Variants in EPM2A observed in about 807,000 individuals in gnomAD.
EPM2A encodes the protein laforin.
In EPM2A, 21 loss-of-function variants were observed where a neutral mutation model predicts 26.5. The ratio of observed to expected loss-of-function variants is 0.79; its 90% confidence interval spans 0.56 to 1.14. The LOEUF (loss-of-function observed/expected upper bound fraction) is 1.14, where lower values mean the gene tolerates loss of function less well. Among genes scored for constraint, EPM2A ranks in the 50% most tolerant of loss-of-function variants. EPM2A has a pLI of 0.00. For missense variants in EPM2A, 458 were observed against 440.8 expected, an observed-to-expected ratio of 1.04 and a Z score of -0.35; for synonymous variants, 217 against 177.6, an observed-to-expected ratio of 1.22 and a Z score of -1.76.
At chr6:145,434,790 C>T (rs1778967203) in intron 4 of EPM2A, among the ~76,000 whole-genome samples, 1 of 152,296 alleles carries the variant, frequency 6.6e-6, no homozygotes, top group East Asian at 1.9e-4. Context: ...TTCCTGTCCC[C>T]TGGCAACCAC....
intron 2 of EPM2A, among the ~76,000 whole-genome samples, chr6:145,547,248 C>T (rs1780594400): frequency 6.6e-6 from 1 of 152,096 alleles, no homozygotes. Flanking sequence ...AAGCCTTCCT[C>T]TGCCCTCTCC....
At chr6:145,677,736 T>A (rs1780171955) in intron 2 of EPM2A, among the ~76,000 whole-genome samples, 1 of 152,164 alleles carries the variant, frequency 6.6e-6, no homozygotes. Flanking sequence ...GTGAAGGACC[T>A]CTTTAAGGAG....
intron 2 of EPM2A, among the ~76,000 whole-genome samples, chr6:145,675,897 T>C (rs1353153383): frequency 6.6e-6 from 1 of 152,120 alleles, no homozygotes; most frequent in Non-Finnish European, 1.5e-5. Flanking sequence ...AACAAGGATA[T>C]CCAGGACTTG....
intron 4 of EPM2A, among the ~76,000 whole-genome samples, chr6:145,432,490 T>C (rs985656291): frequency 5.6e-5 from 7 of 125,486 alleles, no homozygotes; most frequent in African/African-American, 1.6e-4. Context: ...AAATGATCAG[T>C]TTTTTGAGTC....
intron 2 of EPM2A, among the ~76,000 whole-genome samples, chr6:145,647,729 G>C (rs1777589620): frequency 6.6e-6 from 1 of 151,998 alleles, no homozygotes; most frequent in East Asian, 1.9e-4. Context: ...AAGGGGAAGT[G>C]AAAGGGGAAG....
At chr6:145,666,403 C>A (rs867673508) in intron 2 of EPM2A, among the ~76,000 whole-genome samples, 93 of 96,602 alleles carry the variant, frequency 9.6e-4, no homozygotes, top group African/African-American at 4.6e-3. Context: ...TGAGTGAACT[C>A]CCATTCACAA....
intron 4 of EPM2A, among the ~76,000 whole-genome samples, chr6:145,437,602 T>C (rs1454182039): frequency 6.6e-6 from 1 of 152,200 alleles, no homozygotes; most frequent in East Asian, 1.9e-4. Flanking sequence ...CTCACCTAGG[T>C]GATTCCACTG....
intron 4 of EPM2A, among the ~76,000 whole-genome samples, chr6:145,482,750 T>A (rs183511341): frequency 5.3e-5 from 8 of 152,228 alleles, no homozygotes; most frequent in Admixed American, 2.0e-4. Flanking sequence ...GCTTTACGAA[T>A]CTCTGTTTTA....
At chr6:145,399,182 G>A (rs1379617118) in intron 4 of EPM2A, among the ~76,000 whole-genome samples, 1 of 152,074 alleles carries the variant, frequency 6.6e-6, no homozygotes, top group Non-Finnish European at 1.5e-5. Context: ...TGCGAGAGAG[G>A]TGACTCATGG....
chr6:145,621,541 T>C (rs1775633742), downstream of EPM2A, among the ~76,000 whole-genome samples: 1 of 152,204 alleles, frequency 6.6e-6, no homozygotes, highest in African/African-American at 2.4e-5. Context: ...GCTGTACTGA[T>C]TTACATTCTC....
At chr6:145,499,716 T>A (rs534747072), downstream of EPM2A, among the ~76,000 whole-genome samples, 1 of 152,366 alleles carries the variant, frequency 6.6e-6, no homozygotes, top group Non-Finnish European at 1.5e-5. Flanking sequence ...ACTCATACTC[T>A]ACCAATTTTA....
intron 2 of EPM2A, among the ~76,000 whole-genome samples, chr6:145,572,734 G>A (rs1780975730): frequency 6.6e-6 from 1 of 152,156 alleles, no homozygotes. Flanking sequence ...GACACCTCAA[G>A]CACCATTGGA....
chr6:145,724,552 A>G (rs1223168871), intron 1 of EPM2A, among the ~76,000 whole-genome samples: 2 of 152,102 alleles, frequency 1.3e-5, no homozygotes, highest in African/African-American at 4.8e-5. Context: ...AAGAGCCAAC[A>G]CAATTTTGAA....
chr6:145,414,678 A>C (rs927310270), intron 4 of EPM2A, among the ~76,000 whole-genome samples: 8 of 151,816 alleles, frequency 5.3e-5, no homozygotes, highest in Admixed American at 6.6e-5. Context: ...ATCACCATTT[A>C]CTCTCTGTCT....
chr6:145,635,685 T>C, intron 2 of EPM2A, 199 bp from the exon 3 acceptor site: 2 of 575,634 alleles, frequency 3.5e-6, no homozygotes, highest in East Asian at 6.0e-5. Context: ...AAAGCAAGTA[T>C]TTCAATTAAC....
At chr6:145,634,727 T>TG (rs1776520470) in intron 3 of EPM2A, 1 of 157,336 alleles carries the variant, frequency 6.4e-6, no homozygotes, top group Non-Finnish European at 1.4e-5. Context: ...TCTGCCTGGG[T>TG]CACTCCCTCC....
chr6:145,446,265 C>A (rs1029522007), intron 4 of EPM2A, among the ~76,000 whole-genome samples: 1 of 152,164 alleles, frequency 6.6e-6, no homozygotes, highest in Non-Finnish European at 1.5e-5. Flanking sequence ...TCTATGCCAC[C>A]AAGTTCTGGT....
At chr6:145,576,558 T>C (rs1368646082) in intron 2 of EPM2A, among the ~76,000 whole-genome samples, 3 of 152,188 alleles carry the variant, frequency 2.0e-5, no homozygotes, top group Admixed American at 6.5e-5. Flanking sequence ...CAAAGTTTTA[T>C]TTCAAACATG....
At chr6:145,436,078 A>T (rs1019258501) in intron 4 of EPM2A, among the ~76,000 whole-genome samples, 4 of 152,064 alleles carry the variant, frequency 2.6e-5, no homozygotes, top group African/African-American at 9.7e-5. Flanking sequence ...CAGCCCTAAA[A>T]ATCCTCTATG....
Sources: allele counts gnomAD v4.1 joint callset (sites outside exome capture counted in the v4.1 genomes callset), GRCh38; gene constraint gnomAD v4.1.1; transcripts MANE v1.5; gene names NCBI Gene and HGNC (gene_info 2026-07-23, HGNC 2026-07-21).